The following SNTB2 variants were observed in gnomAD, a reference collection of about 807,000 sequenced individuals.
The protein encoded by SNTB2 is syntrophin beta 2, also known as beta-2-syntrophin.
In SNTB2, 34 loss-of-function variants were observed where a neutral mutation model predicts 46.2. That is an observed-to-expected ratio of 0.74 (90% CI 0.56 to 0.98). The LOEUF (loss-of-function observed/expected upper bound fraction) is 0.98, where lower values mean the gene tolerates loss of function less well. Ranked by LOEUF, SNTB2 falls within the 50% of genes least tolerant of loss-of-function variation. SNTB2 has a pLI of 0.00. For missense variants in SNTB2, 603 were observed against 731.4 expected (o/e 0.82, Z 2.02); for synonymous variants, 290 against 312.6 (o/e 0.93, Z 0.76).
intron 5 of SNTB2, among the ~76,000 whole-genome samples, chr16:69,293,738 A>G (rs1048893548): frequency 6.6e-6 from 1 of 152,240 alleles, no homozygotes; most frequent in African/African-American, 2.4e-5. Context: ...TTGAAAACAC[A>G]AGAGGTAGAA....
Position 69,299,765 on chromosome 16 carries a change from G to A in SNTB2, c.1521G>A (p.Glu507=). The change falls in exon 6 of 7, where the codon GAG becomes GAA. Residue 507 remains glutamate (E), a synonymous_variant. Transcript: ENST00000336278. ...TATACTTGGATTTTGGTGGTCCCGA[G>A]GGAGAACTGGTAAGAGTGTTTCTGA... The part of the protein sequence containing the change: ...RNLYLDFGGP[E]GELTMDLHSC... 1 of 1,614,006 alleles carries A rather than the reference G, an allele frequency of 6.2e-7. No homozygotes were observed. Among genetic ancestry groups the A allele is most frequent in the East Asian group, 2.2e-5 (1 of 44,878 alleles).
chr16:69,295,999 G>A (rs756227734), intron 5 of SNTB2, among the ~76,000 whole-genome samples: 1 of 152,214 alleles, frequency 6.6e-6, no homozygotes, highest in Non-Finnish European at 1.5e-5. Context: ...TTAAACTATG[G>A]CCGGGTGTAG....
chr16:69,234,148 T>C (rs1233470050), intron 1 of SNTB2, among the ~76,000 whole-genome samples: 2 of 152,184 alleles, frequency 1.3e-5, no homozygotes, highest in Non-Finnish European at 2.9e-5. Context: ...ATGGGCAACA[T>C]GGCGAAACCC....
At chr16:69,255,834 G>A (rs889801100) in intron 2 of SNTB2, among the ~76,000 whole-genome samples, 6 of 149,546 alleles carry the variant, frequency 4.0e-5, no homozygotes, top group African/African-American at 9.9e-5. Context: ...CTGAGACCGC[G>A]CCATTGCACT....
chr16:69,263,108 C>A, intron 3 of SNTB2, among the ~76,000 whole-genome samples: 1 of 141,918 alleles, frequency 7.0e-6, no homozygotes, highest in Non-Finnish European at 1.6e-5. Context: ...TTCCACTCTA[C>A]TTTTTTTTTT....
At chr16:69,204,451 T>A (rs1012201166) in intron 1 of SNTB2, among the ~76,000 whole-genome samples, 1 of 152,210 alleles carries the variant, frequency 6.6e-6, no homozygotes, top group Non-Finnish European at 1.5e-5. Context: ...AGACAGTAGT[T>A]ATTAAGAAGT....
Position 69,292,403 on chromosome 16 carries a change from TATATTA to T in SNTB2, c.1346-7186_1346-7181del, listed in dbSNP as rs1273502601. Among the ~76,000 whole-genome samples, 28 of 27,372 alleles carry T rather than the reference TATATTA, an allele frequency of 1.0e-3. 7 individuals are homozygous for T. Among genetic ancestry groups the T allele is most frequent in the African/African-American group, 0.01 (28 of 2,796 alleles). The allele number at this position is 27,372 out of a possible 152,430, so 18.0% of individuals were successfully genotyped here. On this transcript the variant is annotated intron_variant, in intron 5 of 6. Coordinates refer to ENST00000336278, the MANE Select transcript of SNTB2 (RefSeq NM_006750.4). ...ATTATATATATATTATATATATATA[TATATTA>T]TATATATATTATATATATATATATA...
intron 4 of SNTB2, among the ~76,000 whole-genome samples, chr16:69,280,756 G>T (rs1333132223): frequency 1.3e-5 from 2 of 151,726 alleles, no homozygotes; most frequent in African/African-American, 4.8e-5. Context: ...TATCAGATAT[G>T]TGTTTTGCAA....
intron 1 of SNTB2, among the ~76,000 whole-genome samples, chr16:69,209,170 A>G (rs1256485950): frequency 1.3e-5 from 2 of 151,862 alleles, no homozygotes; most frequent in Non-Finnish European, 2.9e-5. Context: ...GACGGGTTTC[A>G]CCGTGTTAGC....
At chr16:69,224,657 A>T (rs1224248696) in intron 1 of SNTB2, among the ~76,000 whole-genome samples, 1 of 152,180 alleles carries the variant, frequency 6.6e-6, no homozygotes, top group Non-Finnish European at 1.5e-5. Context: ...TTTTCTATTT[A>T]TCTCATGCCT....
chr16:69,296,455 T>A (rs1174213543), intron 5 of SNTB2, among the ~76,000 whole-genome samples: 1 of 151,680 alleles, frequency 6.6e-6, no homozygotes, highest in African/African-American at 2.4e-5. Context: ...TCGCGGTGGC[T>A]CATGCCTGTA....
chr16:69,270,906 A>T (rs1396505522), intron 4 of SNTB2, among the ~76,000 whole-genome samples: 2 of 152,196 alleles, frequency 1.3e-5, no homozygotes, highest in Non-Finnish European at 2.9e-5. Flanking sequence ...CCAAATTCAA[A>T]TTTTTTTGGA....
chr16:69,306,589 A>T lies in SNTB2; in HGVS notation c.*5665A>T, dbSNP rs75631901. ...ATAGATTGGTTAAAACCAAAAACCT[A>T]TAAGAGAGAAATGATATTTCATTGT... is the stretch of plus-strand genomic sequence containing the variant. On this transcript the variant is annotated 3_prime_UTR_variant, in exon 7 of 7. Coordinates refer to ENST00000336278, the MANE Select transcript of SNTB2 (RefSeq NM_006750.4). 1 of 152,258 alleles carries T rather than the reference A, an allele frequency of 6.6e-6. No homozygotes were observed. The highest frequency in any genetic ancestry group is 1.5e-5 in the Non-Finnish European group (1 of 68,052). The allele number at this position is 152,258 out of a possible 1,614,324, so 9.4% of individuals were successfully genotyped here. A position where few individuals can be genotyped will look rare whatever the true frequency, so the allele number is the denominator to read the frequency against.
chr16:69,243,928 A>G (rs868421450), intron 1 of SNTB2, among the ~76,000 whole-genome samples: 2 of 152,234 alleles, frequency 1.3e-5, no homozygotes, highest in African/African-American at 4.8e-5. Context: ...ATCTTTTTTA[A>G]TAACGTATAA....
chr16:69,278,509 G>C lies in SNTB2; in HGVS notation c.1149-5539G>C, dbSNP rs1383715402. ...CTTGCTCTGTCACCCAGGCTGGAGG[G>C]CAGTGGTGCAATCTCTGCTCACCGC... On this transcript the variant is annotated intron_variant, in intron 4 of 6. Coordinates refer to ENST00000336278, the MANE Select transcript of SNTB2 (RefSeq NM_006750.4). Among the ~76,000 whole-genome samples the C allele has an allele frequency of 2.0e-5, 3 of 150,816 alleles. No individual in the cohort carries two copies. In the East Asian group the frequency reaches 5.8e-4, roughly 29 times the overall value.
At chr16:69,240,278 A>T (rs1964598412) in intron 1 of SNTB2, among the ~76,000 whole-genome samples, 1 of 152,226 alleles carries the variant, frequency 6.6e-6, no homozygotes, top group South Asian at 2.1e-4. Context: ...AATGAAGAGG[A>T]AGAGTGAAAG....
intron 4 of SNTB2, among the ~76,000 whole-genome samples, chr16:69,274,779 TGAGAC>T (rs2143131339): frequency 6.6e-6 from 1 of 152,132 alleles, no homozygotes; most frequent in African/African-American, 2.4e-5. Context: ...GGCAACATAG[TGAGAC>T]CTCTGGTCTC....
Position 69,270,435 on chromosome 16 carries a change from A to T in SNTB2, c.1148+150A>T, listed in dbSNP as rs1024723734. The T allele has an allele frequency of 1.2e-5, 10 of 833,646 alleles. No homozygotes were observed. In the African/African-American group the frequency reaches 1.7e-4, roughly 14 times the overall value. 51.6% of individuals were successfully genotyped at this position (833,646 alleles called of 1,614,324 possible). On this transcript the variant is annotated intron_variant, in intron 4 of 6. Coordinates refer to ENST00000336278, the MANE Select transcript of SNTB2 (RefSeq NM_006750.4). ...GCAGACAAAAATTTTTTGTTTTACA[A>T]CCTTATTGATAATTTTGCAGCTCCT...
chr16:69,188,016 G>T (rs1567391778), intron 1 of SNTB2, among the ~76,000 whole-genome samples: 2 of 152,088 alleles, frequency 1.3e-5, no homozygotes, highest in South Asian at 4.1e-4. Context: ...GGCCCGATAA[G>T]CTGACACTAA....
Sources: gnomAD v4.1 joint callset for allele counts (sites outside exome capture counted in the v4.1 genomes callset) on GRCh38, gnomAD v4.1.1 for gene constraint, MANE v1.5 for transcripts, NCBI Gene and HGNC (gene_info 2026-07-23, HGNC 2026-07-21) for gene names.